The following STPG2 variants were observed in gnomAD, a reference collection of about 807,000 sequenced individuals.
The protein encoded by STPG2 is sperm tail PG-rich repeat containing 2.
STPG2 carries 56 observed loss-of-function variants against 54.2 expected under a neutral mutation model. The ratio of observed to expected loss-of-function variants is 1.03; its 90% CI spans 0.83 to 1.29. The LOEUF (loss-of-function observed/expected upper bound fraction) is 1.29. STPG2 is among the 50% of genes most tolerant of loss of function. The probability of loss-of-function intolerance (pLI) is 0.00; values close to 1 mark genes in which losing one functional copy is unlikely to be tolerated. For missense variants in STPG2, 596 were observed against 544.9 expected (o/e 1.09, Z -0.93); for synonymous variants, 200 against 181.8 (o/e 1.10, Z -0.81).
chr4:98,061,012 A>G (rs1244227242), intron 5 of STPG2, among the ~76,000 whole-genome samples: 1 of 152,216 alleles, frequency 6.6e-6, no homozygotes, highest in Non-Finnish European at 1.5e-5. Flanking sequence ...GAATGGGCAA[A>G]GATTTCATGA....
At chr4:97,741,058 G>A (rs144020102) in intron 9 of STPG2, among the ~76,000 whole-genome samples, 12,643 of 151,906 alleles carry the variant, frequency 0.083, 664 homozygotes, top group South Asian at 0.21. Flanking sequence ...AAAAAACACC[G>A]CATATCTACA....
At chr4:97,555,461 G>A, downstream of STPG2, among the ~76,000 whole-genome samples, 1 of 152,036 alleles carries the variant, frequency 6.6e-6, no homozygotes, top group East Asian at 1.9e-4. Flanking sequence ...ATCTGCCTAA[G>A]GGGATGAAAT....
intron 10 of STPG2, among the ~76,000 whole-genome samples, chr4:97,636,022 A>C (rs964476626): frequency 6.6e-6 from 1 of 152,156 alleles, no homozygotes; most frequent in African/African-American, 2.4e-5. Context: ...CTCCACCCCA[A>C]ATCAACAGAA....
chr4:98,043,224 G>A (rs1309577061), intron 5 of STPG2, among the ~76,000 whole-genome samples: 1 of 151,894 alleles, frequency 6.6e-6, no homozygotes, highest in Admixed American at 6.6e-5. Context: ...GTGTATCCTT[G>A]AATCTAAAGT....
chr4:97,683,178 T>A (rs189519540), intron 10 of STPG2, among the ~76,000 whole-genome samples: 1 of 151,952 alleles, frequency 6.6e-6, no homozygotes, highest in African/African-American at 2.4e-5. Context: ...TCTTTTCTTG[T>A]CACATTACAA....
chr4:98,130,679 T>C (rs914965426), intron 2 of STPG2, among the ~76,000 whole-genome samples: 3 of 151,722 alleles, frequency 2.0e-5, no homozygotes, highest in Admixed American at 1.3e-4. Context: ...TCCCAGCACT[T>C]TGGGAGGCCG....
At chr4:97,833,888 T>C (rs1001589451) in intron 9 of STPG2, among the ~76,000 whole-genome samples, 1 of 152,076 alleles carries the variant, frequency 6.6e-6, no homozygotes, top group African/African-American at 2.4e-5. Flanking sequence ...TGTGGAGAAA[T>C]AGGAATGCTT....
chr4:97,812,857 A>T (rs1727784704), intron 9 of STPG2, among the ~76,000 whole-genome samples: 1 of 152,188 alleles, frequency 6.6e-6, no homozygotes, highest in African/African-American at 2.4e-5. Flanking sequence ...AACTACTTAC[A>T]ATTCAAATAG....
At chr4:97,566,919 T>C (rs1007515814) in intron 10 of STPG2, among the ~76,000 whole-genome samples, 2 of 151,276 alleles carry the variant, frequency 1.3e-5, no homozygotes, top group African/African-American at 4.9e-5. Context: ...CTTTAGGAGA[T>C]ATACCTAATG....
chr4:97,621,914 A>G (rs1734021291), intron 10 of STPG2, among the ~76,000 whole-genome samples: 1 of 152,222 alleles, frequency 6.6e-6, no homozygotes, highest in Admixed American at 6.5e-5. Flanking sequence ...CAGTGCATCA[A>G]AAAACTAATC....
At chr4:97,637,876 C>T (rs1480471949) in intron 10 of STPG2, among the ~76,000 whole-genome samples, 1 of 152,134 alleles carries the variant, frequency 6.6e-6, no homozygotes, top group Non-Finnish European at 1.5e-5. Flanking sequence ...ATTCCATGCT[C>T]ATGGGTAGGA....
intron 5 of STPG2, among the ~76,000 whole-genome samples, chr4:98,001,218 A>G (rs1336011290): frequency 6.6e-6 from 1 of 152,038 alleles, no homozygotes; most frequent in Non-Finnish European, 1.5e-5. Context: ...TCTCACCACA[A>G]TAATCAAGAA....
At chr4:97,712,267 T>C (rs1724146807) in intron 10 of STPG2, among the ~76,000 whole-genome samples, 1 of 152,068 alleles carries the variant, frequency 6.6e-6, no homozygotes, top group Non-Finnish European at 1.5e-5. Context: ...ATTATGAACT[T>C]AAATACAGCA....
chr4:97,838,901 T>A (rs1728711726), intron 9 of STPG2, among the ~76,000 whole-genome samples: 1 of 151,538 alleles, frequency 6.6e-6, no homozygotes, highest in East Asian at 1.9e-4. Flanking sequence ...GGGGTTTCTG[T>A]TATTATCCCT....
At chr4:97,789,744 G>C (rs1172993848) in intron 9 of STPG2, among the ~76,000 whole-genome samples, 1 of 152,072 alleles carries the variant, frequency 6.6e-6, no homozygotes, top group Non-Finnish European at 1.5e-5. Context: ...ATTCTCTAAT[G>C]TGTTTCTCTC....
At chr4:98,042,760 GA>G (rs527601796) in intron 5 of STPG2, among the ~76,000 whole-genome samples, 2 of 151,846 alleles carry the variant, frequency 1.3e-5, no homozygotes, top group Non-Finnish European at 2.9e-5. Flanking sequence ...GTGCTGATGA[GA>G]AAAAATGTAT....
intron 4 of STPG2, among the ~76,000 whole-genome samples, chr4:98,106,357 AG>A (rs1442058644): frequency 6.6e-6 from 1 of 152,176 alleles, no homozygotes; most frequent in African/African-American, 2.4e-5. Context: ...CCTAAAAAAA[AG>A]TTTCCTGTGT....
chr4:98,086,844 T>C (rs1475561231), intron 5 of STPG2, among the ~76,000 whole-genome samples: 1 of 152,132 alleles, frequency 6.6e-6, no homozygotes, highest in Non-Finnish European at 1.5e-5. Context: ...AGCACTTTAT[T>C]GGTCTGCCAA....
At chr4:97,638,069 C>T (rs1367161455) in intron 10 of STPG2, among the ~76,000 whole-genome samples, 2 of 152,140 alleles carry the variant, frequency 1.3e-5, no homozygotes, top group African/African-American at 2.4e-5. Context: ...AAGCTGAAGC[C>T]ATCACACTAC....
Sources: gnomAD v4.1 joint callset for allele counts (sites outside exome capture counted in the v4.1 genomes callset) on GRCh38, gnomAD v4.1.1 for gene constraint, MANE v1.5 for transcripts, NCBI Gene and HGNC (gene_info 2026-07-23, HGNC 2026-07-21) for gene names.